The following CLN6 variants were observed in gnomAD, a reference collection of about 807,000 sequenced individuals.
CLN6 encodes the protein CLN6 transmembrane ER protein.
In CLN6, 22 loss-of-function variants were observed where a neutral mutation model predicts 33.3. That is an observed-to-expected ratio of 0.66 (90% CI 0.47 to 0.94). The LOEUF is 0.94. Ranked by LOEUF, CLN6 falls within the 40% of genes least tolerant of loss-of-function variation. CLN6 has a pLI of 0.00. For synonymous variants in CLN6, 201 were observed against 174.6 expected, an observed-to-expected ratio of 1.15 and a Z score of -1.19; for missense variants, 387 against 417.1, an observed-to-expected ratio of 0.93 and a Z score of 0.63.
In CLN6 at chr15:68,229,674, G is replaced by C; in HGVS notation, c.-90C>G. On this transcript the variant is annotated 5_prime_UTR_variant, in exon 1 of 7. Coordinates refer to ENST00000249806, the MANE Select transcript of CLN6 (RefSeq NM_017882.3). ...CGGCGGAGGCCGCCGCAAATTCCCA[G>C]CGCGGGGCGGTTCGGGGCGGGCCGG... The C allele has an allele frequency of 1.8e-6, 2 of 1,126,860 alleles. No homozygotes were observed. The highest frequency in any genetic ancestry group is 2.3e-6 in the Non-Finnish European group (2 of 855,304). The allele number at this position is 1,126,860 out of a possible 1,614,324, so 69.8% of individuals were successfully genotyped here.
At chr15:68,250,528 G>A (rs943992201) in intron 1 of CLN6, among the ~76,000 whole-genome samples, 9 of 151,592 alleles carry the variant, frequency 5.9e-5, no homozygotes, top group African/African-American at 2.2e-4. Context: ...GGAAGGCTGA[G>A]GCAAGAGAAT....
chr15:68,236,971 C>T lies in CLN6; in HGVS notation c.180-18321G>A, dbSNP rs1450170298. Among the ~76,000 whole-genome samples, 2 of 150,178 alleles carry T rather than the reference C, an allele frequency of 1.3e-5. No individual in the cohort carries two copies. The highest frequency in any genetic ancestry group is 2.5e-5 in the African/African-American group (1 of 40,776). ...AGGAGATCGAGACCATCCTGGCTAA[C>T]AAGGTGAAACCCCGTCTCTACTAAA... On this transcript the variant is annotated intron_variant, in intron 1 of 6. Transcript: ENST00000538696. This position sits in a 1 kb window ranked among gnomAD's most constrained non-coding sequence, Gnocchi z 4.5.
Position 68,207,613 on chromosome 15 carries a change from G to C in CLN6, c.*527C>G. ...TACTTTGGGACCACAGGCCCATCTA[G>C]TGCAAATGAGGCCCAGAAAGGAGAA... On this transcript the variant is annotated 3_prime_UTR_variant, in exon 7 of 7. Transcript: ENST00000249806. The C allele has an allele frequency of 1.0e-5, 2 of 199,948 alleles. No individual in the cohort carries two copies. The highest frequency in any genetic ancestry group is 1.2e-4 in the East Asian group (1 of 8,248). The allele number at this position is 199,948 out of a possible 1,614,324, so 12.4% of individuals were successfully genotyped here. A position where few individuals can be genotyped will look rare whatever the true frequency, so the allele number is the denominator to read the frequency against.
chr15:68,231,099 G>A (rs1376831399), upstream of CLN6, among the ~76,000 whole-genome samples: 1 of 152,142 alleles, frequency 6.6e-6, no homozygotes, highest in Non-Finnish European at 1.5e-5. Flanking sequence ...TTTCTTTCCT[G>A]TCTTTCTTCT....
At position 68,219,323 on chromosome 15, in the gene CLN6, T is replaced by C. The variant is rs1019192769; in HGVS notation, c.84-673A>G. Among the ~76,000 whole-genome samples the C allele has an allele frequency of 1.3e-5, 2 of 152,108 alleles. No homozygotes were observed. The highest frequency in any genetic ancestry group is 3.9e-4 in the East Asian group (2 of 5,182). ...GAAATGTGCTTTAGAGAGACTGAAA[T>C]GGATAGGGCCTCCTGCTCGCTTGAT... On this transcript the variant is annotated intron_variant, in intron 1 of 6. Coordinates refer to ENST00000249806, the MANE Select transcript of CLN6 (RefSeq NM_017882.3). The surrounding 1 kb of genome is among the most constrained non-coding windows in gnomAD (Gnocchi z 4.2).
In CLN6 at chr15:68,228,679, T is replaced by G. The variant is rs191721937; in HGVS notation, c.83+823A>C. On this transcript the variant is annotated intron_variant, in intron 1 of 6. Coordinates refer to ENST00000249806, the MANE Select transcript of CLN6 (RefSeq NM_017882.3). The surrounding 1 kb of genome is among the most constrained non-coding windows in gnomAD (Gnocchi z 4.4). ...CAAGTCCTCTGAGACTCAGCTCAAGTGCCACTTCCTCCATGAAGCCCTCCA... is the reference window on the plus strand; with the variant it reads ...CAAGTCCTCTGAGACTCAGCTCAAGGGCCACTTCCTCCATGAAGCCCTCCA... 6.6e-6 allele frequency among the ~76,000 whole-genome samples: 1 copy of G among 152,172 alleles called. No individual in the cohort carries two copies. Among genetic ancestry groups the G allele is most frequent in the East Asian group, 1.9e-4 (1 of 5,170 alleles).
Position 68,227,435 on chromosome 15 carries a change from C to T in CLN6, c.83+2067G>A, listed in dbSNP as rs1307528244. Among the ~76,000 whole-genome samples, 3 of 152,244 alleles carry T rather than the reference C, an allele frequency of 2.0e-5. No individual in the cohort carries two copies. Among genetic ancestry groups the T allele is most frequent in the Non-Finnish European group, 4.4e-5 (3 of 68,046 alleles). On this transcript the variant is annotated intron_variant, in intron 1 of 6. Transcript: ENST00000249806. The surrounding 1 kb of genome is among the most constrained non-coding windows in gnomAD (Gnocchi z 4.1). ...AGAGGTAGTGAGCAAAGCACGGATG[C>T]AGCAGAGGAAATCCAAGCATCCTAG...
intron 1 of CLN6, among the ~76,000 whole-genome samples, chr15:68,248,668 A>G (rs1230451945): frequency 2.0e-5 from 3 of 152,004 alleles, no homozygotes; most frequent in African/African-American, 7.2e-5. Flanking sequence ...AAAAAAAAAA[A>G]AAATCTAAGA....
intron 1 of CLN6, among the ~76,000 whole-genome samples, chr15:68,244,792 G>A (rs1173601053): frequency 6.6e-6 from 1 of 152,140 alleles, no homozygotes; most frequent in Non-Finnish European, 1.5e-5. Context: ...GCCAGGCACA[G>A]TGGTTCATGC....
chr15:68,211,764 CAG>C lies in CLN6; in HGVS notation c.395_396del (p.Ser132CysfsTer18), dbSNP rs774543080. The C allele has an allele frequency of 5.0e-6, 8 of 1,614,014 alleles. No individual in the cohort carries two copies. Among genetic ancestry groups the C allele is most frequent in the South Asian group, 3.3e-5 (3 of 91,080 alleles). ...MGASIHLVGD[S>X]VNHRLLFSGY... ...CCACTGAAGAGCAGGCGGTGGTTGA[CAG>C]AGTCACCCACCAGGTGGATGCTGGC... On this transcript the variant is annotated frameshift_variant, in exon 4 of 7. Transcript: ENST00000249806. LOFTEE classifies it high-confidence loss of function. This position sits in a 1 kb window ranked among gnomAD's most constrained non-coding sequence, Gnocchi z 5.9.
At chr15:68,238,237 C>G (rs12439519) in intron 1 of CLN6, among the ~76,000 whole-genome samples, 71,241 of 150,692 alleles carry the variant, frequency 0.47, 17,581 homozygotes, top group Non-Finnish European at 0.55. Flanking sequence ...AACCCTATCT[C>G]CACTAAAAAT....
Position 68,246,403 on chromosome 15 carries a change from A to G in CLN6, c.179+10287T>C, listed in dbSNP as rs1331521141. ...CACAATGGAATAAAACTGGAAATCA[A>G]TAACAACAGGGATCTCAGAAACTAC... On this transcript the variant is annotated intron_variant, in intron 1 of 6. Transcript: ENST00000538696. The surrounding 1 kb of genome is among the most constrained non-coding windows in gnomAD (Gnocchi z 4.5). Among the ~76,000 whole-genome samples, 1 of 152,194 alleles carries G rather than the reference A, an allele frequency of 6.6e-6. No individual in the cohort carries two copies. The highest frequency in any genetic ancestry group is 1.5e-5 in the Non-Finnish European group (1 of 68,046).
chr15:68,243,251 G>A (rs140470893), intron 1 of CLN6, among the ~76,000 whole-genome samples: 1 of 152,146 alleles, frequency 6.6e-6, no homozygotes. Flanking sequence ...AGATTTAAAA[G>A]GAATTATTTA....
At chr15:68,218,753 G>A (rs1225591308) in intron 1 of CLN6, 103 bp from the exon 2 acceptor site, 2 of 799,720 alleles carry the variant, frequency 2.5e-6, no homozygotes, top group Middle Eastern at 3.0e-4. Flanking sequence ...GAGGACAGGA[G>A]GAGACACACA....
chr15:68,237,177 A>AC lies in CLN6; in HGVS notation c.180-18528_180-18527insG, dbSNP rs1458136439. On this transcript the variant is annotated intron_variant, in intron 1 of 6. Coordinates refer to the CLN6 transcript ENST00000538696. Reference sequence around the variant, plus strand: ...AGACTCCGTCTCAAAAAAAAAAAAAAAAAAAAAAAAAACTGAATGGAGGCC... The same window carrying AC: ...AGACTCCGTCTCAAAAAAAAAAAAAACAAAAAAAAAAAACTGAATGGAGGCC... Among the ~76,000 whole-genome samples, 53 of 148,958 alleles carry AC rather than the reference A, an allele frequency of 3.6e-4. 3 individuals carry two copies. In the East Asian group the frequency reaches 0.011, roughly 30 times the overall value.
chr15:68,256,764 T>G lies in CLN6; in HGVS notation c.105A>C (p.Arg35=). Reference sequence around the variant, plus strand: ...GCGCCTGCGCCAGTGGCTTGAAGGCTCGGCTCAAGCCCGCCTCGCCTCCCT... The same window carrying G: ...GCGCCTGCGCCAGTGGCTTGAAGGCGCGGCTCAAGCCCGCCTCGCCTCCCT... The change falls in exon 1 of 7, where the codon CGA becomes CGC. Residue 35 remains arginine, a synonymous_variant. Coordinates refer to the CLN6 transcript ENST00000538696. The surrounding 1 kb of genome is among the most constrained non-coding windows in gnomAD (Gnocchi z 4.1). 7.1e-6 allele frequency: 5 copies of G among 701,966 alleles called. No homozygotes were observed. The highest frequency in any genetic ancestry group is 1.7e-5 in the African/African-American group (1 of 57,386). 43.5% of individuals were successfully genotyped at this position (701,966 alleles called of 1,614,324 possible).
chr15:68,216,187 A>G (rs1012522), intron 2 of CLN6, among the ~76,000 whole-genome samples: 83,543 of 151,840 alleles, frequency 0.55, 23,530 homozygotes, highest in African/African-American at 0.61. Context: ...TAGTGAGTGA[A>G]GGGAGCCACG....
At chr15:68,231,527 C>T (rs900996950), upstream of CLN6, among the ~76,000 whole-genome samples, 18 of 152,386 alleles carry the variant, frequency 1.2e-4, no homozygotes, top group East Asian at 3.3e-3. Context: ...GCTTCCCGCT[C>T]TGACCCCAAT....
rs773659823 is a variant in CLN6, at chr15:68,211,226, G to A, written c.542+37C>T. 3.8e-6 allele frequency: 6 copies of A among 1,599,686 alleles called. No individual in the cohort carries two copies. In the Admixed American group the frequency reaches 5.0e-5, roughly 13 times the overall value. On this transcript the variant is annotated intron_variant, in intron 5 of 6. Transcript: ENST00000249806. This position sits in a 1 kb window ranked among gnomAD's most constrained non-coding sequence, Gnocchi z 5.9. ...CCAGTGACAGGGCTAGCCGGTAGTT[G>A]GGGCCCCTGGGATAGACAGATGGGC...
Sources: gnomAD v4.1 joint callset for allele counts (sites outside exome capture counted in the v4.1 genomes callset) on GRCh38, gnomAD v4.1.1 for gene constraint, Gnocchi (gnomAD v3.1) non-coding constraint, MANE v1.5 for transcripts, NCBI Gene and HGNC (gene_info 2026-07-23, HGNC 2026-07-21) for gene names.